Variants in GLIS3 observed in about 807,000 individuals in gnomAD.
GLIS3 encodes the protein GLIS family zinc finger 3.
Under a neutral mutation model 78.6 loss-of-function variants are expected in GLIS3, and 53 were observed. That is an observed-to-expected ratio of 0.67 (90% CI 0.54 to 0.85). The LOEUF is 0.85. GLIS3 is among the 40% of genes least tolerant of loss of function. The pLI, the probability that GLIS3 is intolerant of heterozygous loss-of-function variation, is 0.00. For synonymous variants in GLIS3, 684 were observed against 509.9 expected (o/e 1.34, Z -4.60); for missense variants, 1,703 against 1,231.1 (o/e 1.38, Z -5.74).
At chr9:3,857,133 AG>A (rs1455715281) in intron 8 of GLIS3, among the ~76,000 whole-genome samples, 4 of 152,232 alleles carry the variant, frequency 2.6e-5, no homozygotes, top group African/African-American at 9.6e-5. Context: ...GACAGAATAT[AG>A]GGGAGAAAGG....
intron 2 of GLIS3, among the ~76,000 whole-genome samples, chr9:4,263,558 TCATTCATC>T (rs774230737): frequency 6.6e-6 from 1 of 152,184 alleles, no homozygotes; most frequent in African/African-American, 2.4e-5. Context: ...ATTCATTCAT[TCATTCATC>T]CATTCATTCT....
intron 8 of GLIS3, among the ~76,000 whole-genome samples, chr9:3,867,592 C>G (rs1473037899): frequency 6.6e-6 from 1 of 152,304 alleles, no homozygotes; most frequent in East Asian, 1.9e-4. Context: ...GGCCACCAAC[C>G]TTTTCTAATC....
chr9:4,108,564 C>T lies in GLIS3; in HGVS notation c.1710+9204G>A, dbSNP rs536336895. Among the ~76,000 whole-genome samples, 7 of 152,268 alleles carry T rather than the reference C, an allele frequency of 4.6e-5. No homozygotes were observed. In the East Asian group the frequency reaches 9.6e-4, roughly 21 times the overall value. On this transcript the variant is annotated intron_variant, in intron 4 of 10. Coordinates refer to ENST00000381971, the MANE Select transcript of GLIS3 (RefSeq NM_001042413.2). ...CTCTTGGCTAATAAATCACCATTTGCTTTTCTGGGCAATTTTCATACTAGC... is the reference window on the plus strand; with the variant it reads ...CTCTTGGCTAATAAATCACCATTTGTTTTTCTGGGCAATTTTCATACTAGC...
chr9:4,054,124 T>C (rs1159126670), intron 4 of GLIS3, among the ~76,000 whole-genome samples: 1 of 152,198 alleles, frequency 6.6e-6, no homozygotes, highest in Non-Finnish European at 1.5e-5. Flanking sequence ...GAGTTGAAGA[T>C]GAAGACACAA....
At chr9:3,934,296 A>G (rs1825773159) in intron 5 of GLIS3, among the ~76,000 whole-genome samples, 1 of 152,210 alleles carries the variant, frequency 6.6e-6, no homozygotes, top group African/African-American at 2.4e-5. Flanking sequence ...TGAGCATTAG[A>G]GGAGATGTTA....
chr9:4,335,337 G>C (rs973858428), intron 2 of GLIS3, among the ~76,000 whole-genome samples: 6 of 152,178 alleles, frequency 3.9e-5, no homozygotes, highest in Non-Finnish European at 8.8e-5. Context: ...CAATTAACCT[G>C]TGAAATTGAT....
intron 4 of GLIS3, among the ~76,000 whole-genome samples, chr9:4,060,870 A>G (rs1333258916): frequency 1.3e-5 from 2 of 152,190 alleles, no homozygotes; most frequent in Non-Finnish European, 2.9e-5. Context: ...CTGCCCAGGA[A>G]TCAAAATTCT....
the GLIS3 span, among the ~76,000 whole-genome samples, chr9:4,446,504 ATTTTTTT>A: frequency 6.4e-5 from 8 of 124,144 alleles, no homozygotes; most frequent in African/African-American, 1.3e-4. Context: ...AAATATCCAA[ATTTTTTT>A]TTTTTTTTTT....
chr9:4,464,143 A>G, the GLIS3 span, among the ~76,000 whole-genome samples: 2 of 152,006 alleles, frequency 1.3e-5, no homozygotes, highest in African/African-American at 2.4e-5. Context: ...GGTTTTTTTT[A>G]TTATATTAAG....
At chr9:4,368,289 C>T in the GLIS3 span, among the ~76,000 whole-genome samples, 4 of 151,444 alleles carry the variant, frequency 2.6e-5, no homozygotes, top group East Asian at 5.8e-4. Flanking sequence ...TAGAGCATCA[C>T]GAGGCAGAGA....
chr9:4,328,239 T>A (rs1015753361), intron 2 of GLIS3, among the ~76,000 whole-genome samples: 1 of 152,138 alleles, frequency 6.6e-6, no homozygotes, highest in East Asian at 1.9e-4. Context: ...AAGAGAACCA[T>A]CTCCATGCCT....
chr9:3,902,657 G>C (rs1823400240), intron 6 of GLIS3, among the ~76,000 whole-genome samples: 1 of 152,136 alleles, frequency 6.6e-6, no homozygotes, highest in Admixed American at 6.5e-5. Context: ...CATTCAGTAG[G>C]TCTGCGATGC....
chr9:4,370,930 C>A, the GLIS3 span, among the ~76,000 whole-genome samples: 4 of 151,986 alleles, frequency 2.6e-5, no homozygotes, highest in African/African-American at 9.7e-5. Flanking sequence ...TTCAAAATAG[C>A]ATAAAAGACT....
the GLIS3 span, among the ~76,000 whole-genome samples, chr9:4,452,481 G>C: frequency 2.0e-5 from 3 of 152,122 alleles, no homozygotes; most frequent in Non-Finnish European, 4.4e-5. Flanking sequence ...AAAGTCTCGG[G>C]ATACAAACTC....
At chr9:3,994,004 G>C (rs371876043) in intron 4 of GLIS3, among the ~76,000 whole-genome samples, 1 of 152,200 alleles carries the variant, frequency 6.6e-6, no homozygotes, top group African/African-American at 2.4e-5. Context: ...CATCCAGAGA[G>C]CTTGTTAAAA....
chr9:4,322,069 C>T (rs932692472), intron 2 of GLIS3, among the ~76,000 whole-genome samples: 9 of 152,048 alleles, frequency 5.9e-5, no homozygotes, highest in African/African-American at 1.9e-4. Flanking sequence ...TGATGTTCCC[C>T]GCCCTGTGTC....
intron 2 of GLIS3, among the ~76,000 whole-genome samples, chr9:4,127,062 C>A (rs575320656): frequency 2.6e-5 from 4 of 152,204 alleles, no homozygotes; most frequent in African/African-American, 9.6e-5. Flanking sequence ...TCCCAAGAGC[C>A]CCCCAAAACA....
At chr9:4,412,863 G>A in the GLIS3 span, among the ~76,000 whole-genome samples, 1 of 152,106 alleles carries the variant, frequency 6.6e-6, no homozygotes. Flanking sequence ...TCCTCCATCT[G>A]CCTCTTGTTG....
chr9:3,917,769 G>A (rs551040086), intron 6 of GLIS3, among the ~76,000 whole-genome samples: 4 of 152,100 alleles, frequency 2.6e-5, no homozygotes, highest in Non-Finnish European at 4.4e-5. Flanking sequence ...TGAAACCACC[G>A]TTCCTGTATA....
Sources: gnomAD v4.1 joint callset for allele counts (sites outside exome capture counted in the v4.1 genomes callset) on GRCh38, gnomAD v4.1.1 for gene constraint, MANE v1.5 for transcripts, NCBI Gene and HGNC (gene_info 2026-07-23, HGNC 2026-07-21) for gene names.